TGFBR3: variants seen among roughly 807,000 people sequenced by gnomAD.
TGFBR3 encodes transforming growth factor beta receptor type 3.
In TGFBR3, 46 loss-of-function variants were observed where a neutral mutation model predicts 87.9. The ratio of observed to expected loss-of-function variants is 0.52; its 90% confidence interval spans 0.41 to 0.67. The LOEUF (loss-of-function observed/expected upper bound fraction) is 0.67. Ranked by LOEUF, TGFBR3 falls within the 30% of genes least tolerant of loss-of-function variation. The pLI, the probability that TGFBR3 is intolerant of heterozygous loss-of-function variation, is 0.00. For synonymous variants in TGFBR3, 381 were observed against 391.6 expected (o/e 0.97, Z 0.32); for missense variants, 866 against 1,041.9 (o/e 0.83, Z 2.32).
At chr1:91,778,175 AC>A (rs1352718512) in intron 3 of TGFBR3, among the ~76,000 whole-genome samples, 9 of 150,468 alleles carry the variant, frequency 6.0e-5, no homozygotes, top group South Asian at 2.1e-4. Flanking sequence ...AAAAAAAAAA[AC>A]ACACATAAGA....
chr1:91,724,857 T>C (rs1214797540), intron 7 of TGFBR3, among the ~76,000 whole-genome samples: 1 of 152,162 alleles, frequency 6.6e-6, no homozygotes, highest in African/African-American at 2.4e-5. Context: ...TATTTACATC[T>C]GGACTGATGG....
intron 2 of TGFBR3, among the ~76,000 whole-genome samples, chr1:91,817,806 G>T (rs1298149619): frequency 6.6e-6 from 1 of 151,568 alleles, no homozygotes; most frequent in African/African-American, 2.4e-5. Context: ...GGTGCGCTAT[G>T]AGGCAAATAA....
Position 91,704,004 on chromosome 1 carries a change from A to T in TGFBR3, c.2287+4659T>A, listed in dbSNP as rs540373020. Among the ~76,000 whole-genome samples the T allele has an allele frequency of 5.3e-5, 8 of 152,252 alleles. No homozygotes were observed. The South Asian group carries it at 1.7e-3, about 32-fold the overall frequency. On this transcript the variant is annotated intron_variant, in intron 14 of 16. Transcript: ENST00000212355. The stretch of plus-strand genomic sequence containing the variant: ...TAATCATTAGGGTATTTGGGGTGTT[A>T]CCTTGAATACTAATGTGATATGGTA...
rs760042952 is a variant in TGFBR3, at chr1:91,683,834, C to G, written c.2461G>C (p.Val821Leu). 5 of 1,604,364 alleles carry G rather than the reference C, an allele frequency of 3.1e-6. No individual in the cohort carries two copies. The East Asian group carries it at 1.1e-4, about 36-fold the overall frequency. The change falls in exon 17 of 17, where the codon GTC becomes CTC. Residue 821 changes from valine (V) to leucine (L), a missense_variant. Val to Leu is a conservative substitution (Grantham distance 32, BLOSUM62 1). Transcript: ENST00000212355. ...HTGETAGRQQ[V>L]PTSPPASENS... ...TCCGAGGCTGGCGGGGAGGTGGGGA[C>G]TTGCTGCCTTCCTGCTGTCTCCCCT...
rs142330217 is a variant in TGFBR3 at position 91,800,434 on chromosome 1, A to G, written c.62-2963T>C. Among the ~76,000 whole-genome samples, 454 of 150,872 alleles carry G rather than the reference A, an allele frequency of 3.0e-3. 1 individual carries two copies. The highest frequency in any genetic ancestry group is 4.8e-3 in the Non-Finnish European group (325 of 67,728). Reference sequence around the variant, plus strand: ...AAAGGTGGGAGAATCACCTAAGCCCAGGGAAGTCCAGGCTGCAGTAAGCCG... The same window carrying G: ...AAAGGTGGGAGAATCACCTAAGCCCGGGGAAGTCCAGGCTGCAGTAAGCCG... On this transcript the variant is annotated intron_variant, in intron 2 of 16. Coordinates refer to ENST00000212355, the MANE Select transcript of TGFBR3 (RefSeq NM_003243.5).
At chr1:91,820,219 T>A (rs957419536) in intron 2 of TGFBR3, among the ~76,000 whole-genome samples, 1 of 152,166 alleles carries the variant, frequency 6.6e-6, no homozygotes, top group Non-Finnish European at 1.5e-5. Flanking sequence ...AACTGAACTG[T>A]CCAACCTCTC....
chr1:91,749,249 G>C (rs1463473651), intron 4 of TGFBR3, among the ~76,000 whole-genome samples: 1 of 152,190 alleles, frequency 6.6e-6, no homozygotes, highest in African/African-American at 2.4e-5. Flanking sequence ...GGAAAGGCCA[G>C]AGATCAAATG....
chr1:91,760,800 A>C (rs1673930833), intron 3 of TGFBR3, among the ~76,000 whole-genome samples: 1 of 152,232 alleles, frequency 6.6e-6, no homozygotes, highest in African/African-American at 2.4e-5. Context: ...GTCCGCATCT[A>C]GAAATAAACA....
intron 16 of TGFBR3, among the ~76,000 whole-genome samples, chr1:91,690,398 G>C (rs551357986): frequency 7.2e-5 from 11 of 152,200 alleles, no homozygotes; most frequent in African/African-American, 1.9e-4. Context: ...CATTCAAAAG[G>C]GGGGGATTCG....
At chr1:91,785,834 C>A (rs1425282978) in intron 3 of TGFBR3, among the ~76,000 whole-genome samples, 11 of 150,442 alleles carry the variant, frequency 7.3e-5, no homozygotes, top group Non-Finnish European at 1.5e-5. Context: ...GTGGCGCGAT[C>A]GTGGTTCACT....
At chr1:91,754,729 C>T (rs187576759) in intron 4 of TGFBR3, among the ~76,000 whole-genome samples, 338 of 152,248 alleles carry the variant, frequency 2.2e-3, no homozygotes, top group Middle Eastern at 6.8e-3. Context: ...TCAAGGGTGG[C>T]TGCGATGTCC....
intron 1 of TGFBR3, among the ~76,000 whole-genome samples, chr1:91,865,744 C>G (rs1678370913): frequency 6.6e-6 from 1 of 150,846 alleles, no homozygotes; most frequent in African/African-American, 2.4e-5. Flanking sequence ...AACCCCGTTT[C>G]TACTTAAAAT....
intron 2 of TGFBR3, among the ~76,000 whole-genome samples, chr1:91,846,609 G>C (rs957943561): frequency 6.6e-6 from 1 of 152,014 alleles, no homozygotes; most frequent in African/African-American, 2.4e-5. Flanking sequence ...TCTTCTGAGT[G>C]AAGATTTGAT....
At chr1:91,778,159 TAAA>T (rs79576439) in intron 3 of TGFBR3, among the ~76,000 whole-genome samples, 6 of 135,064 alleles carry the variant, frequency 4.4e-5, no homozygotes, top group South Asian at 2.4e-4. Context: ...TAATCTAGGT[TAAA>T]AAAAAAAAAA....
chr1:91,870,191 T>C (rs1678532210), intron 1 of TGFBR3, among the ~76,000 whole-genome samples: 1 of 152,218 alleles, frequency 6.6e-6, no homozygotes, highest in African/African-American at 2.4e-5. Context: ...TATCACAATC[T>C]GCCATCTTTA....
rs72971039 is a variant in TGFBR3 at position 91,875,977 on chromosome 1, A to T, written c.-114+9901T>A. 4.5e-3 allele frequency among the ~76,000 whole-genome samples: 670 copies of T among 148,318 alleles called. 9 individuals carry two copies. Among genetic ancestry groups the T allele is most frequent in the African/African-American group, 0.016 (631 of 40,258 alleles). ...AAGACTGAAGAGACATCCGGAACAT[A>T]AGAGGAAAACCAGGAGAACTCGTTT... On this transcript the variant is annotated intron_variant, in intron 1 of 16. Transcript: ENST00000212355.
chr1:91,886,168 C>T (rs764146689), upstream of TGFBR3: 16 of 454,020 alleles, frequency 3.5e-5, no homozygotes, highest in Middle Eastern at 6.9e-4. Flanking sequence ...ATCAGGCCGA[C>T]CCGGCGCACT....
intron 14 of TGFBR3, among the ~76,000 whole-genome samples, chr1:91,699,920 C>T (rs980342515): frequency 3.3e-5 from 5 of 152,170 alleles, no homozygotes; most frequent in African/African-American, 1.2e-4. Context: ...TGGTCCACCA[C>T]CTATTTTTGT....
chr1:91,699,431 C>T (rs76141171), intron 14 of TGFBR3, among the ~76,000 whole-genome samples: 32 of 80,838 alleles, frequency 4.0e-4, no homozygotes, highest in South Asian at 1.7e-3. Context: ...CTTTCTTTTG[C>T]TTTTTTTTTT....
Sources: allele counts gnomAD v4.1 joint callset (sites outside exome capture counted in the v4.1 genomes callset), GRCh38; gene constraint gnomAD v4.1.1; transcripts MANE v1.5; gene names NCBI Gene and HGNC (gene_info 2026-07-23, HGNC 2026-07-21).